CLIC6: variants seen among roughly 807,000 people sequenced by gnomAD.
CLIC6 encodes chloride intracellular channel protein 6.
CLIC6 carries 39 observed loss-of-function variants against 49.2 expected under a neutral mutation model. The ratio of observed to expected loss-of-function variants is 0.79; its 90% confidence interval spans 0.61 to 1.04. CLIC6 has a LOEUF of 1.04. Ranked by LOEUF, CLIC6 falls within the 50% of genes least tolerant of loss-of-function variation. The pLI is 0.00. For synonymous variants in CLIC6, 446 were observed against 433.4 expected, an observed-to-expected ratio of 1.03 and a Z score of -0.36; for missense variants, 988 against 993.1, an observed-to-expected ratio of 0.99 and a Z score of 0.07.
At chr21:34,702,070 T>C (rs1990200916) in intron 1 of CLIC6, among the ~76,000 whole-genome samples, 1 of 152,164 alleles carries the variant, frequency 6.6e-6, no homozygotes. Flanking sequence ...AGGCACTTTC[T>C]ACGGGGGACC....
At position 34,670,312 on chromosome 21, in the gene CLIC6, C is replaced by G. The variant is rs1309928870; in HGVS notation, c.924C>G (p.Ala308=). The G allele has an allele frequency of 6.9e-7, 1 of 1,444,800 alleles. No homozygotes were observed. Among genetic ancestry groups the G allele is most frequent in the Non-Finnish European group, 9.1e-7 (1 of 1,101,792 alleles). 89.5% of individuals were successfully genotyped at this position (1,444,800 alleles called of 1,614,324 possible). A position where few individuals can be genotyped will look rare whatever the true frequency, so the allele number is the denominator to read the frequency against. The part of the protein sequence containing the change: ...QSGDGSLSPQ[A]EAIEVAAGES... ...GGGACGGCAGCCTCTCGCCCCAGGC[C>G]GAGGCAATTGAGGTCGCAGCCGGGG... The change falls in exon 1 of 6, where the codon GCC becomes GCG. Residue 308 remains alanine (A), a synonymous_variant. Coordinates refer to ENST00000349499, the MANE Select transcript of CLIC6 (RefSeq NM_053277.3).
rs560560030 is a variant in CLIC6, at chr21:34,717,396, G to A, written c.*914G>A. On this transcript the variant is annotated 3_prime_UTR_variant, in exon 6 of 6. Transcript: ENST00000349499. ...GCAGTCCCTCAGTGCTGGTGGTATC[G>A]TGTGGGGATAGCAATACTTCTCTGC... 1.3e-5 allele frequency: 2 copies of A among 152,364 alleles called. No individual in the cohort carries two copies. Among genetic ancestry groups the A allele is most frequent in the East Asian group, 1.9e-4 (1 of 5,184 alleles). The allele number at this position is 152,364 out of a possible 1,614,324, so 9.4% of individuals were successfully genotyped here. A position where few individuals can be genotyped will look rare whatever the true frequency, so the allele number is the denominator to read the frequency against.
chr21:34,713,248 T>C (rs2056067953), intron 5 of CLIC6, among the ~76,000 whole-genome samples: 1 of 152,158 alleles, frequency 6.6e-6, no homozygotes, highest in South Asian at 2.1e-4. Flanking sequence ...TTAAAGAACG[T>C]TTCTTACAGA....
rs998020235 is a variant in CLIC6 at position 34,685,202 on chromosome 21, G to A, written c.1374+14440G>A. Reference sequence around the variant, plus strand: ...TATGCACTCCAGCAATCCCCCAAGCGGTGACCCTGGTCCTCCTCTAGCCAC... The same window carrying A: ...TATGCACTCCAGCAATCCCCCAAGCAGTGACCCTGGTCCTCCTCTAGCCAC... On this transcript the variant is annotated intron_variant, in intron 1 of 5. Coordinates refer to ENST00000349499, the MANE Select transcript of CLIC6 (RefSeq NM_053277.3). Among the ~76,000 whole-genome samples, 7 of 152,180 alleles carry A rather than the reference G, an allele frequency of 4.6e-5. No homozygotes were observed. In the East Asian group the frequency reaches 5.8e-4, roughly 13 times the overall value.
At chr21:34,682,853 C>T (rs970481247) in intron 1 of CLIC6, among the ~76,000 whole-genome samples, 6 of 130,904 alleles carry the variant, frequency 4.6e-5, no homozygotes, top group South Asian at 2.5e-4. Context: ...GCTGTGTCTC[C>T]CAGGTTGGAG....
At chr21:34,703,911 A>T (rs2055996496) in intron 1 of CLIC6, among the ~76,000 whole-genome samples, 1 of 152,226 alleles carries the variant, frequency 6.6e-6, no homozygotes. Flanking sequence ...TGAATTCGAA[A>T]GGCAAACATG....
intron 1 of CLIC6, among the ~76,000 whole-genome samples, chr21:34,683,468 G>T (rs1989819177): frequency 6.6e-6 from 1 of 152,178 alleles, no homozygotes; most frequent in Non-Finnish European, 1.5e-5. Context: ...AGAATGAGGA[G>T]ATCCAGAGAA....
chr21:34,684,125 T>G (rs7282211), intron 1 of CLIC6, among the ~76,000 whole-genome samples: 2,379 of 152,230 alleles, frequency 0.016, 67 homozygotes, highest in African/African-American at 0.055. Context: ...AAGTGCTGTT[T>G]TGCACCCAAA....
chr21:34,682,843 G>A (rs1398414710), intron 1 of CLIC6, among the ~76,000 whole-genome samples: 5 of 104,260 alleles, frequency 4.8e-5, no homozygotes, highest in East Asian at 6.5e-4. Flanking sequence ...ACGGAGTCTC[G>A]CTGTGTCTCC....
rs750981713 is a variant in CLIC6, at chr21:34,708,068, A to C, written c.1609A>C (p.Arg537=). 2 of 1,614,124 alleles carry C rather than the reference A, an allele frequency of 1.2e-6. No individual in the cohort carries two copies. Among genetic ancestry groups the C allele is most frequent in the Non-Finnish European group, 8.5e-7 (1 of 1,179,962 alleles). The part of the protein sequence containing the change: ...EFLEEKLAPP[R]YPKLGTQHPE... ...CTTAGAGGAGAAATTAGCTCCCCCG[A>C]GGTAGGCCTCAGAAAACCAGTGTTC... Residue 537 remains arginine (R), a splice_region_variant and synonymous_variant, in exon 3 of 6, where the codon AGG becomes CGG. Coordinates refer to ENST00000349499, the MANE Select transcript of CLIC6 (RefSeq NM_053277.3).
intron 1 of CLIC6, among the ~76,000 whole-genome samples, chr21:34,672,962 G>A (rs1045114604): frequency 5.9e-5 from 9 of 152,192 alleles, no homozygotes; most frequent in Admixed American, 1.3e-4. Context: ...TGTGCTGCTC[G>A]CATAACTTGC....
Position 34,682,477 on chromosome 21 carries a change from C to T in CLIC6, c.1374+11715C>T, listed in dbSNP as rs1042961696. Among the ~76,000 whole-genome samples, 8 of 152,088 alleles carry T rather than the reference C, an allele frequency of 5.3e-5. No homozygotes were observed. The East Asian group carries it at 5.8e-4, about 11-fold the overall frequency. The stretch of plus-strand genomic sequence containing the variant: ...TGATATTTGTTTTTCTGTGAGATGG[C>T]TGCTTATATTCTCTGCATTTTTCTT... On this transcript the variant is annotated intron_variant, in intron 1 of 5. Coordinates refer to ENST00000349499, the MANE Select transcript of CLIC6 (RefSeq NM_053277.3).
In CLIC6 at chr21:34,670,571, G is replaced by C. The variant is rs955086173; in HGVS notation, c.1183G>C (p.Asp395His). ...AGCGGGGGGCGAAGAGGAATCCCCC[G>C]ACAGCAGCCCACATGGGGAGGCCTC... Reference protein sequence around the residue: ...EAAGGEEESPDSSPHGEASRG... With the variant: ...EAAGGEEESPHSSPHGEASRG... The change falls in exon 1 of 6, where the codon GAC (aspartate) becomes CAC (histidine). Residue 395 changes from aspartate to histidine, a missense_variant. Coordinates refer to ENST00000349499, the MANE Select transcript of CLIC6 (RefSeq NM_053277.3). 1.3e-6 allele frequency: 2 copies of C among 1,512,824 alleles called. No homozygotes were observed. The highest frequency in any genetic ancestry group is 2.8e-5 in the African/African-American group (2 of 71,388). The allele number at this position is 1,512,824 out of a possible 1,614,324, so 93.7% of individuals were successfully genotyped here.
chr21:34,670,776 C>T lies in CLIC6; in HGVS notation c.1374+14C>T, dbSNP rs751502482. The T allele has an allele frequency of 6.3e-7, 1 of 1,592,960 alleles. No homozygotes were observed. The highest frequency in any genetic ancestry group is 1.7e-5 in the Admixed American group (1 of 59,010). ...CTCTTCGTCAAGGTAAAGCTCGCTT[C>T]CCTCAATTCTTAGGACGACCCCCTT... On this transcript the variant is annotated intron_variant, in intron 1 of 5. Coordinates refer to ENST00000349499, the MANE Select transcript of CLIC6 (RefSeq NM_053277.3).
Position 34,670,266 on chromosome 21 carries a change from C to G in CLIC6, c.878C>G (p.Ser293Trp). Reference sequence around the variant, plus strand: ...CCGGCAGGAAGGGCGCGCCGGGTCTCGGGTGAGCCGCAGCAATCGGGGGAC... The same window carrying G: ...CCGGCAGGAAGGGCGCGCCGGGTCTGGGGTGAGCCGCAGCAATCGGGGGAC... ...EGPAGRARRVSGEPQQSGDGS... is the reference protein window; with the variant it reads ...EGPAGRARRVWGEPQQSGDGS... Residue 293 changes from serine (S) to tryptophan (W), a missense_variant, in exon 1 of 6, where the codon TCG (serine) becomes TGG (tryptophan). Transcript: ENST00000349499. 2 of 1,439,400 alleles carry G rather than the reference C, an allele frequency of 1.4e-6. No homozygotes were observed. The highest frequency in any genetic ancestry group is 1.8e-6 in the Non-Finnish European group (2 of 1,103,106). The allele number at this position is 1,439,400 out of a possible 1,614,324, so 89.2% of individuals were successfully genotyped here.
chr21:34,711,552 T>C (rs1246095960), intron 5 of CLIC6, among the ~76,000 whole-genome samples: 4 of 149,728 alleles, frequency 2.7e-5, no homozygotes, highest in South Asian at 4.2e-4. Flanking sequence ...AATAAATAAA[T>C]AAATAAATAA....
rs750090622 is a variant in CLIC6, at chr21:34,669,380, T to A, written c.-9T>A. The A allele has an allele frequency of 7.3e-6, 9 of 1,237,644 alleles. No individual in the cohort carries two copies. The African/African-American group carries it at 1.1e-4, about 15-fold the overall frequency. 76.7% of individuals were successfully genotyped at this position (1,237,644 alleles called of 1,614,324 possible). A position where few individuals can be genotyped will look rare whatever the true frequency, so the allele number is the denominator to read the frequency against. On this transcript the variant is annotated 5_prime_UTR_variant, in exon 1 of 6. Transcript: ENST00000349499. ...AAGGAGTCCCGATCAAGGACAGGGATCTGCGGCCATGGCCGAGGCCGCGGA... is the reference window on the plus strand; with the variant it reads ...AAGGAGTCCCGATCAAGGACAGGGAACTGCGGCCATGGCCGAGGCCGCGGA...
chr21:34,694,135 ATT>A (rs57210806), intron 1 of CLIC6, among the ~76,000 whole-genome samples: 36 of 128,388 alleles, frequency 2.8e-4, no homozygotes, highest in Non-Finnish European at 3.0e-4. Context: ...CGCCTGGTTA[ATT>A]TTTTTTTTTT....
At chr21:34,688,502 G>A (rs1016794532) in intron 1 of CLIC6, among the ~76,000 whole-genome samples, 2 of 152,278 alleles carry the variant, frequency 1.3e-5, no homozygotes, top group Non-Finnish European at 2.9e-5. Flanking sequence ...TAGACGCCCT[G>A]TATGGCCCAT....
Sources: allele counts gnomAD v4.1 joint callset (sites outside exome capture counted in the v4.1 genomes callset), GRCh38; gene constraint gnomAD v4.1.1; transcripts MANE v1.5; gene names NCBI Gene and HGNC (gene_info 2026-07-23, HGNC 2026-07-21).